The following C8orf34 variants were observed in gnomAD, a reference collection of about 807,000 sequenced individuals.
C8orf34 encodes uncharacterized protein C8orf34.
Under a neutral mutation model 68.3 loss-of-function variants are expected in C8orf34, and 65 were observed. The observed-to-expected ratio is 0.95, with a 90% CI of 0.78 to 1.17. C8orf34 has a LOEUF of 1.17. Among genes scored for constraint, C8orf34 ranks in the 50% most tolerant of loss-of-function variants. The pLI is 0.00. For missense variants in C8orf34, 664 were observed against 655.4 expected, an observed-to-expected ratio of 1.01 and a Z score of -0.14; for synonymous variants, 244 against 241.2, an observed-to-expected ratio of 1.01 and a Z score of -0.11.
chr8:68,813,457 T>A (rs1162519104), intron 12 of C8orf34, among the ~76,000 whole-genome samples: 2 of 152,208 alleles, frequency 1.3e-5, no homozygotes, highest in African/African-American at 4.8e-5. Context: ...GCACTTGTAC[T>A]GTTGAATATT....
chr8:68,716,077 A>T (rs916085503), intron 9 of C8orf34, among the ~76,000 whole-genome samples: 1 of 152,064 alleles, frequency 6.6e-6, no homozygotes, highest in Admixed American at 6.5e-5. Context: ...GGAAAACCAA[A>T]TATCATATGT....
At chr8:68,714,785 A>T (rs996336472) in intron 9 of C8orf34, among the ~76,000 whole-genome samples, 19 of 152,212 alleles carry the variant, frequency 1.2e-4, no homozygotes, top group Admixed American at 1.2e-3. Context: ...CCTAAAATTC[A>T]TATGGAACCG....
chr8:68,456,679 T>C (rs1196270404), intron 3 of C8orf34, among the ~76,000 whole-genome samples: 1 of 152,198 alleles, frequency 6.6e-6, no homozygotes, highest in Non-Finnish European at 1.5e-5. Flanking sequence ...TCTTCAATAG[T>C]TATGTGTCAT....
chr8:68,495,709 A>C (rs1813495032), intron 5 of C8orf34, among the ~76,000 whole-genome samples: 1 of 152,264 alleles, frequency 6.6e-6, no homozygotes, highest in Non-Finnish European at 1.5e-5. Flanking sequence ...TCTTTGTCAC[A>C]TAGTAAGTGG....
At position 68,721,718 on chromosome 8, in the gene C8orf34, A is replaced by G. The variant is rs910541706; in HGVS notation, c.1404+281A>G. On this transcript the variant is annotated intron_variant, in intron 10 of 13. Coordinates refer to ENST00000518698, the MANE Select transcript of C8orf34 (RefSeq NM_052958.4). Reference sequence around the variant, plus strand: ...TATACTTACCTTGGTAGTAAAACAAATATTTTGCATATCCTGAAAGTTTAT... The same window carrying G: ...TATACTTACCTTGGTAGTAAAACAAGTATTTTGCATATCCTGAAAGTTTAT... 2.0e-5 allele frequency among the ~76,000 whole-genome samples: 3 copies of G among 151,994 alleles called. No individual in the cohort carries two copies. The South Asian group carries it at 6.2e-4, about 31-fold the overall frequency.
intron 5 of C8orf34, among the ~76,000 whole-genome samples, chr8:68,489,704 A>AGG (rs1354155376): frequency 1.3e-5 from 2 of 152,154 alleles, no homozygotes; most frequent in African/African-American, 4.8e-5. Flanking sequence ...TTTTCAAATT[A>AGG]GGGATGCTCA....
At chr8:68,624,236 C>A (rs1818469817) in intron 7 of C8orf34, among the ~76,000 whole-genome samples, 1 of 148,130 alleles carries the variant, frequency 6.8e-6, no homozygotes, top group Admixed American at 6.7e-5. Flanking sequence ...CACGCCATTG[C>A]ACTCCAGCCT....
chr8:68,405,154 G>A (rs1194165321), intron 1 of C8orf34, among the ~76,000 whole-genome samples: 14 of 151,870 alleles, frequency 9.2e-5, no homozygotes, highest in Non-Finnish European at 1.6e-4. Flanking sequence ...ACATTCTTAA[G>A]ATGGTTTGAT....
chr8:68,476,883 C>T (rs1401876726), intron 4 of C8orf34, among the ~76,000 whole-genome samples: 1 of 152,170 alleles, frequency 6.6e-6, no homozygotes, highest in African/African-American at 2.4e-5. Flanking sequence ...TCTGCAGTTG[C>T]TTATCACAAA....
chr8:68,665,667 C>T (rs367815760), intron 8 of C8orf34, among the ~76,000 whole-genome samples: 6 of 152,204 alleles, frequency 3.9e-5, no homozygotes, highest in Non-Finnish European at 1.5e-5. Context: ...TCATCACTTG[C>T]TGTTTCTCCT....
intron 10 of C8orf34, among the ~76,000 whole-genome samples, chr8:68,770,583 A>G (rs1823311060): frequency 6.6e-6 from 1 of 152,154 alleles, no homozygotes. Context: ...TCCAACATCC[A>G]CTGATAAAAG....
intron 4 of C8orf34, among the ~76,000 whole-genome samples, chr8:68,471,941 C>T (rs1300775769): frequency 6.6e-6 from 1 of 151,602 alleles, no homozygotes; most frequent in Admixed American, 6.6e-5. Context: ...CACACACACA[C>T]ACACACACAC....
At chr8:68,400,666 T>G (rs61482308) in intron 1 of C8orf34, among the ~76,000 whole-genome samples, 6,865 of 152,224 alleles carry the variant, frequency 0.045, 251 homozygotes, top group African/African-American at 0.1. Context: ...GCTTAGGTGA[T>G]CCTCCTGCCT....
intron 10 of C8orf34, among the ~76,000 whole-genome samples, chr8:68,762,149 TA>T (rs1216196901): frequency 2.0e-5 from 3 of 152,274 alleles, no homozygotes; most frequent in African/African-American, 7.2e-5. Flanking sequence ...TTTTCTAAAG[TA>T]ACATTAAGTA....
At chr8:68,464,650 T>A (rs1324692572) in intron 3 of C8orf34, among the ~76,000 whole-genome samples, 1 of 151,832 alleles carries the variant, frequency 6.6e-6, no homozygotes, top group African/African-American at 2.4e-5. Context: ...ACACTGCATA[T>A]CTACAACTAT....
intron 11 of C8orf34, among the ~76,000 whole-genome samples, chr8:68,787,111 A>T (rs1014829503): frequency 2.0e-5 from 3 of 152,196 alleles, no homozygotes; most frequent in African/African-American, 7.2e-5. Context: ...AAAGAGGCAC[A>T]TTTTATGCCA....
chr8:68,334,566 T>C (rs542586490), intron 1 of C8orf34, among the ~76,000 whole-genome samples: 38 of 152,188 alleles, frequency 2.5e-4, no homozygotes, highest in African/African-American at 8.9e-4. Context: ...CAGTTATATA[T>C]CTTGGTTCAG....
At chr8:68,685,085 A>ATAACTCTTTCATACTAAGGTATGTTT (rs1820474285) in intron 8 of C8orf34, among the ~76,000 whole-genome samples, 4 of 152,264 alleles carry the variant, frequency 2.6e-5, no homozygotes, top group African/African-American at 9.6e-5. Flanking sequence ...ATACTAAGGT[A>ATAACTCTTTCATACTAAGGTATGTTT]TAACTCTTTC....
intron 10 of C8orf34, among the ~76,000 whole-genome samples, chr8:68,741,098 G>C (rs6989754): frequency 4.5e-4 from 69 of 152,070 alleles, no homozygotes; most frequent in African/African-American, 1.5e-3. Context: ...AGGGAGGGAG[G>C]GGGGAGAGGA....
Sources: gnomAD v4.1 joint callset for allele counts (sites outside exome capture counted in the v4.1 genomes callset) on GRCh38, gnomAD v4.1.1 for gene constraint, MANE v1.5 for transcripts, NCBI Gene and HGNC (gene_info 2026-07-23, HGNC 2026-07-21) for gene names.